PTPRD: variants seen among roughly 807,000 people sequenced by gnomAD.
PTPRD encodes protein tyrosine phosphatase receptor type D, also known as receptor-type tyrosine-protein phosphatase delta.
PTPRD carries 34 observed loss-of-function variants against 214.5 expected under a neutral mutation model. The ratio of observed to expected loss-of-function variants is 0.16; its 90% CI spans 0.12 to 0.21. The LOEUF (loss-of-function observed/expected upper bound fraction) is 0.21, where lower values mean the gene tolerates loss of function less well. Among genes scored for constraint, PTPRD ranks in the 10% least tolerant of loss-of-function variants. PTPRD has a pLI of 1.00. For missense variants in PTPRD, 2,545 were observed against 2,398.7 expected, an observed-to-expected ratio of 1.06 and a Z score of -1.27; for synonymous variants, 1,128 against 845.7, an observed-to-expected ratio of 1.33 and a Z score of -5.79.
At chr9:9,176,572 A>C (rs1295051087) in intron 10 of PTPRD, among the ~76,000 whole-genome samples, 1 of 152,148 alleles carries the variant, frequency 6.6e-6, no homozygotes, top group African/African-American at 2.4e-5. Flanking sequence ...TTGCTAATGT[A>C]ATGGTGTTGG....
At chr9:10,232,731 A>C (rs1594905930) in intron 3 of PTPRD, among the ~76,000 whole-genome samples, 2 of 152,126 alleles carry the variant, frequency 1.3e-5, no homozygotes, top group South Asian at 4.1e-4. Context: ...CACTCTCAGA[A>C]GAATACAACA....
chr9:9,629,733 G>A (rs1276448616), intron 7 of PTPRD, among the ~76,000 whole-genome samples: 5 of 151,756 alleles, frequency 3.3e-5, no homozygotes, highest in Admixed American at 1.3e-4. Context: ...AATGTCTTTT[G>A]GGGAAAGGAA....
At chr9:10,475,439 G>A (rs1370097149) in intron 2 of PTPRD, among the ~76,000 whole-genome samples, 1 of 151,938 alleles carries the variant, frequency 6.6e-6, no homozygotes, top group Non-Finnish European at 1.5e-5. Context: ...AAACAAAGAA[G>A]TCGAATCCCT....
intron 8 of PTPRD, among the ~76,000 whole-genome samples, chr9:9,503,897 A>G (rs1245953259): frequency 4.6e-5 from 7 of 151,822 alleles, no homozygotes; most frequent in African/African-American, 9.7e-5. Flanking sequence ...CTGAGAGGAC[A>G]TCTGCTCAGC....
At chr9:8,951,685 G>A (rs1015317866) in intron 11 of PTPRD, among the ~76,000 whole-genome samples, 5 of 151,970 alleles carry the variant, frequency 3.3e-5, no homozygotes, top group African/African-American at 1.2e-4. Flanking sequence ...CAGGCAGTTA[G>A]GGAATCTTGT....
intron 2 of PTPRD, among the ~76,000 whole-genome samples, chr9:10,569,670 T>C (rs890146101): frequency 6.6e-6 from 1 of 152,116 alleles, no homozygotes; most frequent in Non-Finnish European, 1.5e-5. Context: ...TATAATCCAC[T>C]TTTTCTTAAT....
At chr9:10,288,306 AT>A (rs5896380) in intron 3 of PTPRD, among the ~76,000 whole-genome samples, 47,858 of 150,408 alleles carry the variant, frequency 0.32, 9,174 homozygotes, top group African/African-American at 0.54. Flanking sequence ...ACGATCATAG[AT>A]TTTTTTAAAA....
At chr9:10,456,626 C>A (rs1764369219) in intron 2 of PTPRD, among the ~76,000 whole-genome samples, 2 of 151,994 alleles carry the variant, frequency 1.3e-5, no homozygotes, top group South Asian at 4.1e-4. Context: ...AACAGTAAGG[C>A]AGGCTTTGAT....
At chr9:9,334,686 C>G (rs1464747625) in intron 9 of PTPRD, among the ~76,000 whole-genome samples, 5 of 151,844 alleles carry the variant, frequency 3.3e-5, no homozygotes, top group Admixed American at 2.6e-4. Context: ...AGAGATTATT[C>G]AAATCACTGA....
intron 2 of PTPRD, among the ~76,000 whole-genome samples, chr9:10,372,925 C>T (rs965918764): frequency 6.6e-5 from 10 of 150,556 alleles, no homozygotes; most frequent in Admixed American, 2.0e-4. Flanking sequence ...TCTTGGCTTC[C>T]GAGTTCAAGC....
Position 8,465,480 on chromosome 9 carries a change from C to G in PTPRD, c.3700G>C (p.Glu1234Gln). The G allele has an allele frequency of 6.2e-7, 1 of 1,612,046 alleles. No homozygotes were observed. The highest frequency in any genetic ancestry group is 8.5e-7 in the Non-Finnish European group (1 of 1,178,642). ...EYVFFVLAVM[E>Q]HAESKMYATS... is the part of the protein sequence containing the mutation. Reference sequence around the variant, plus strand: ...AATTAACTTACAGACTCTGCATGTTCCATTACTGCTAACACAAAGAAGACA... The same window carrying G: ...AATTAACTTACAGACTCTGCATGTTGCATTACTGCTAACACAAAGAAGACA... The change falls in exon 32 of 46, where the codon GAA becomes CAA. Residue 1234 changes from glutamate (E) to glutamine (Q), a missense_variant. Coordinates refer to ENST00000381196, the MANE Select transcript of PTPRD (RefSeq NM_002839.4).
chr9:8,739,821 T>G (rs1028986711), intron 11 of PTPRD, among the ~76,000 whole-genome samples: 2 of 152,196 alleles, frequency 1.3e-5, no homozygotes, highest in Admixed American at 1.3e-4. Flanking sequence ...TTTCCTGTGC[T>G]GTTCCCATGA....
At chr9:10,267,115 C>T (rs570106849) in intron 3 of PTPRD, among the ~76,000 whole-genome samples, 2 of 146,826 alleles carry the variant, frequency 1.4e-5, no homozygotes, top group South Asian at 2.2e-4. Context: ...CGCCTGAACT[C>T]GGGGGGCAGA....
intron 3 of PTPRD, among the ~76,000 whole-genome samples, chr9:10,116,053 G>A (rs1232819329): frequency 6.6e-6 from 1 of 152,098 alleles, no homozygotes; most frequent in Non-Finnish European, 1.5e-5. Flanking sequence ...AAATCTGCCT[G>A]TCTTCATGTT....
chr9:9,232,612 C>T (rs1319068076), intron 9 of PTPRD, among the ~76,000 whole-genome samples: 1 of 151,884 alleles, frequency 6.6e-6, no homozygotes, highest in Non-Finnish European at 1.5e-5. Flanking sequence ...AAATGCAAGC[C>T]AAGGAATTGC....
At chr9:10,227,909 G>C (rs1195334713) in intron 3 of PTPRD, among the ~76,000 whole-genome samples, 1 of 151,854 alleles carries the variant, frequency 6.6e-6, no homozygotes, top group Non-Finnish European at 1.5e-5. Flanking sequence ...CCTACACATC[G>C]TCAAATCTTC....
intron 4 of PTPRD, among the ~76,000 whole-genome samples, chr9:9,963,886 C>A (rs2094512509): frequency 2.0e-5 from 3 of 152,096 alleles, no homozygotes; most frequent in Admixed American, 2.0e-4. Flanking sequence ...CGTTTTAAGT[C>A]CAAGTGAAGT....
At chr9:10,145,317 G>T (rs985071019) in intron 3 of PTPRD, among the ~76,000 whole-genome samples, 3 of 151,894 alleles carry the variant, frequency 2.0e-5, no homozygotes, top group African/African-American at 7.3e-5. Flanking sequence ...AAACTGAATG[G>T]GTCCATCTTC....
chr9:9,556,786 G>A (rs1267868724), intron 8 of PTPRD, among the ~76,000 whole-genome samples: 1 of 152,116 alleles, frequency 6.6e-6, no homozygotes, highest in Non-Finnish European at 1.5e-5. Context: ...AGAGCTCTGT[G>A]GTTCAAAATC....
Sources: gnomAD v4.1 joint callset for allele counts (sites outside exome capture counted in the v4.1 genomes callset) on GRCh38, gnomAD v4.1.1 for gene constraint, MANE v1.5 for transcripts, NCBI Gene and HGNC (gene_info 2026-07-23, HGNC 2026-07-21) for gene names.